JARID2: variants seen among roughly 807,000 people sequenced by gnomAD.
The protein encoded by JARID2 is protein Jumonji.
A neutral mutation model predicts 125.6 loss-of-function variants in JARID2; 21 were observed. The observed-to-expected ratio is 0.17, with a 90% CI of 0.12 to 0.24. The LOEUF is 0.24. JARID2 is among the 10% of genes least tolerant of loss of function. The pLI is 1.00. For missense variants in JARID2, 1,303 were observed against 1,639.6 expected, an observed-to-expected ratio of 0.79 and a Z score of 3.55; for synonymous variants, 736 against 661.6, an observed-to-expected ratio of 1.11 and a Z score of -1.73.
At chr6:15,248,436 TGGGAGC>T (rs1759279557) in intron 1 of JARID2, 2 of 16,708 alleles carry the variant, frequency 1.2e-4, no homozygotes, top group Non-Finnish European at 2.3e-4. Flanking sequence ...GGGGAGGGGG[TGGGAGC>T]GGGGGCGGGG....
At chr6:15,422,862 C>A (rs1436674878) in intron 3 of JARID2, among the ~76,000 whole-genome samples, 1 of 152,126 alleles carries the variant, frequency 6.6e-6, no homozygotes, top group African/African-American at 2.4e-5. Context: ...TTTTGTATTG[C>A]TCCAGTTTAC....
At chr6:15,283,304 A>T (rs1249355410) in intron 1 of JARID2, among the ~76,000 whole-genome samples, 1 of 146,988 alleles carries the variant, frequency 6.8e-6, no homozygotes. Flanking sequence ...AATATGTCGC[A>T]AATATTGTCT....
At chr6:15,482,308 C>G (rs929330840) in intron 5 of JARID2, among the ~76,000 whole-genome samples, 2 of 152,144 alleles carry the variant, frequency 1.3e-5, no homozygotes, top group African/African-American at 4.8e-5. Context: ...CCCCTTTCTA[C>G]TTTTAGAAGT....
intron 4 of JARID2, among the ~76,000 whole-genome samples, chr6:15,455,424 G>C (rs2127648592): frequency 6.6e-6 from 1 of 152,220 alleles, no homozygotes; most frequent in East Asian, 1.9e-4. Context: ...TCTGGGTGTT[G>C]CTAACTGTAG....
chr6:15,387,653 T>C (rs1288785672), intron 2 of JARID2, among the ~76,000 whole-genome samples: 2 of 152,200 alleles, frequency 1.3e-5, no homozygotes, highest in African/African-American at 4.8e-5. Context: ...TAACTGTAGA[T>C]TAAATTAAAC....
chr6:15,394,939 CTTT>C (rs4052929), intron 2 of JARID2, among the ~76,000 whole-genome samples: 179 of 146,162 alleles, frequency 1.2e-3, no homozygotes, highest in Middle Eastern at 3.5e-3. Flanking sequence ...AGAATAATTC[CTTT>C]TTTTTTTTTT....
At chr6:15,422,855 TG>T (rs1289977050) in intron 3 of JARID2, among the ~76,000 whole-genome samples, 2 of 152,214 alleles carry the variant, frequency 1.3e-5, no homozygotes, top group Non-Finnish European at 1.5e-5. Flanking sequence ...AACAATCTTT[TG>T]TATTGCTCCA....
In JARID2 at chr6:15,279,153, C is replaced by A. The variant is rs558784602; in HGVS notation, c.45+32569C>A. Among the ~76,000 whole-genome samples the A allele has an allele frequency of 7.5e-5, 10 of 133,746 alleles. No individual in the cohort carries two copies. The South Asian group carries it at 1.9e-3, about 25-fold the overall frequency. The allele number at this position is 133,746 out of a possible 152,430, so 87.7% of individuals were successfully genotyped here. ...AACAAAATTCATATATACATATATTCATATATATGGACAATAAATTGCCTT... is the reference window on the plus strand; with the variant it reads ...AACAAAATTCATATATACATATATTAATATATATGGACAATAAATTGCCTT... On this transcript the variant is annotated intron_variant, in intron 1 of 17. Transcript: ENST00000341776.
At position 15,246,457 on chromosome 6, in the gene JARID2, C is replaced by A; in HGVS notation, c.-83C>A. ...CACCACCAACAACAATAAAAACCACCAGGATATTTTTTTGCAAATTTCTGA... is the reference window on the plus strand; with the variant it reads ...CACCACCAACAACAATAAAAACCACAAGGATATTTTTTTGCAAATTTCTGA... On this transcript the variant is annotated 5_prime_UTR_variant, in exon 1 of 18. Coordinates refer to ENST00000341776, the MANE Select transcript of JARID2 (RefSeq NM_004973.4). The A allele has an allele frequency of 8.7e-7, 1 of 1,147,940 alleles. No homozygotes were observed. Among genetic ancestry groups the A allele is most frequent in the Non-Finnish European group, 1.3e-6 (1 of 765,412 alleles). The allele number at this position is 1,147,940 out of a possible 1,614,324, so 71.1% of individuals were successfully genotyped here.
At chr6:15,418,209 T>C (rs1023447976) in intron 3 of JARID2, among the ~76,000 whole-genome samples, 1 of 140,228 alleles carries the variant, frequency 7.1e-6, no homozygotes, top group Non-Finnish European at 1.5e-5. Context: ...TTGTTAACTA[T>C]ATTCCTCTTT....
intron 1 of JARID2, among the ~76,000 whole-genome samples, chr6:15,351,011 AAGC>A (rs1398374737): frequency 6.6e-6 from 1 of 152,130 alleles, no homozygotes; most frequent in Non-Finnish European, 1.5e-5. Flanking sequence ...AAAAAAAAAA[AAGC>A]AGATATCTTG....
chr6:15,451,202 TAGAA>T (rs1275601052), intron 3 of JARID2, among the ~76,000 whole-genome samples: 1 of 152,196 alleles, frequency 6.6e-6, no homozygotes, highest in South Asian at 2.1e-4. Context: ...TTTGTTTTGA[TAGAA>T]AGGAATTTCT....
chr6:15,340,973 G>C (rs1248874316), intron 1 of JARID2, among the ~76,000 whole-genome samples: 1 of 152,002 alleles, frequency 6.6e-6, no homozygotes, highest in Non-Finnish European at 1.5e-5. Flanking sequence ...AGCAGGAAGC[G>C]GTGCTAATAC....
chr6:15,332,719 T>C (rs1429844455), intron 1 of JARID2, among the ~76,000 whole-genome samples: 1 of 152,156 alleles, frequency 6.6e-6, no homozygotes, highest in East Asian at 1.9e-4. Flanking sequence ...TTCACTTGTC[T>C]AGATCCTGCA....
chr6:15,372,853 C>T (rs531907153), intron 1 of JARID2, among the ~76,000 whole-genome samples: 14 of 152,146 alleles, frequency 9.2e-5, no homozygotes, highest in South Asian at 8.3e-4. Context: ...GGATTACAGT[C>T]GCGTGCCACC....
chr6:15,487,645 T>C, intron 6 of JARID2, 103 bp downstream of exon 6: 1 of 1,050,432 alleles, frequency 9.5e-7, no homozygotes, highest in African/African-American at 1.6e-5. Context: ...AAGCAGGAGG[T>C]GATGCCCAGA....
intron 4 of JARID2, among the ~76,000 whole-genome samples, chr6:15,455,781 G>T (rs1768148504): frequency 6.6e-6 from 1 of 152,192 alleles, no homozygotes; most frequent in African/African-American, 2.4e-5. Context: ...GCCTGCCTCG[G>T]CCTCCCAAAG....
intron 1 of JARID2, among the ~76,000 whole-genome samples, chr6:15,333,898 T>G (rs1290594704): frequency 2.0e-5 from 3 of 152,144 alleles, no homozygotes; most frequent in Non-Finnish European, 4.4e-5. Context: ...AAAGGTAATC[T>G]TTTCAAAGGA....
chr6:15,465,788 C>CTGTT lies in JARID2; in HGVS notation c.494-2728_494-2725dup, dbSNP rs549791539. Among the ~76,000 whole-genome samples, 768 of 147,600 alleles carry CTGTT rather than the reference C, an allele frequency of 5.2e-3. 3 individuals are homozygous for CTGTT. The highest frequency in any genetic ancestry group is 0.017 in the Middle Eastern group (5 of 294). On this transcript the variant is annotated intron_variant, in intron 4 of 17. Transcript: ENST00000341776. ...TCTTACTGCTGTATTTTTTTTGTTGCTGTTTGTTTGTTTGTTTGTTTGTTT... is the reference window on the plus strand; with the variant it reads ...TCTTACTGCTGTATTTTTTTTGTTGCTGTTTGTTTGTTTGTTTGTTTGTTTGTTT...
Sources: gnomAD v4.1 joint callset for allele counts (sites outside exome capture counted in the v4.1 genomes callset) on GRCh38, gnomAD v4.1.1 for gene constraint, MANE v1.5 for transcripts, NCBI Gene and HGNC (gene_info 2026-07-23, HGNC 2026-07-21) for gene names.